NOS1AP: variants seen among roughly 807,000 people sequenced by gnomAD.
The protein encoded by NOS1AP is carboxyl-terminal PDZ ligand of neuronal nitric oxide synthase protein.
Under a neutral mutation model 56.2 loss-of-function variants are expected in NOS1AP, and 21 were observed. The observed-to-expected ratio is 0.37, with a 90% CI of 0.26 to 0.54. The LOEUF (loss-of-function observed/expected upper bound fraction) is 0.54. Among genes scored for constraint, NOS1AP ranks in the 20% least tolerant of loss-of-function variants. The pLI is 0.84. For missense variants in NOS1AP, 522 were observed against 657.8 expected (o/e 0.79, Z 2.26); for synonymous variants, 270 against 274.6 (o/e 0.98, Z 0.17).
intron 2 of NOS1AP, among the ~76,000 whole-genome samples, chr1:162,243,994 C>T (rs1277334964): frequency 6.6e-6 from 1 of 152,160 alleles, no homozygotes; most frequent in Non-Finnish European, 1.5e-5. Context: ...ATCAGAGCTC[C>T]GTCTGGATTT....
chr1:162,328,590 A>G (rs1051006001), intron 4 of NOS1AP, among the ~76,000 whole-genome samples: 1 of 152,210 alleles, frequency 6.6e-6, no homozygotes, highest in Non-Finnish European at 1.5e-5. Context: ...AGTGAGGTAC[A>G]GCACAATGAT....
intron 2 of NOS1AP, among the ~76,000 whole-genome samples, chr1:162,204,336 C>T (rs1652093390): frequency 6.6e-6 from 1 of 152,216 alleles, no homozygotes; most frequent in South Asian, 2.1e-4. Context: ...GGTCATCTTA[C>T]AGGTTTCCGC....
intron 1 of NOS1AP, among the ~76,000 whole-genome samples, chr1:162,151,151 TAGG>T (rs1427660367): frequency 2.0e-5 from 3 of 152,240 alleles, no homozygotes; most frequent in Non-Finnish European, 2.9e-5. Context: ...TGGTGAGAGA[TAGG>T]AGTCCAGTTT....
At chr1:162,117,033 G>A (rs1180740124) in intron 1 of NOS1AP, among the ~76,000 whole-genome samples, 1 of 152,120 alleles carries the variant, frequency 6.6e-6, no homozygotes, top group East Asian at 1.9e-4. Flanking sequence ...AATTTCTTGA[G>A]CTCTCATGAA....
In NOS1AP at chr1:162,240,244, A is replaced by AGTGTGTGTGTGTGTGTGTGTGT. The variant is rs5778260; in HGVS notation, c.178-47081_178-47060dup. On this transcript the variant is annotated intron_variant, in intron 2 of 9. Transcript: ENST00000361897. ...CCCATTCCTGCTGCACTGTGTGGCC[A>AGTGTGTGTGTGTGTGTGTGTGT]GTGTGTGTGTGTGTGTGTGTGTGTG... Among the ~76,000 whole-genome samples the AGTGTGTGTGTGTGTGTGTGTGT allele has an allele frequency of 5.4e-4, 76 of 141,298 alleles. 1 individual carries two copies. The highest frequency in any genetic ancestry group is 2.0e-3 in the African/African-American group (73 of 37,240). The allele number at this position is 141,298 out of a possible 152,430, so 92.7% of individuals were successfully genotyped here.
At chr1:162,318,015 A>C (rs1324287610) in intron 4 of NOS1AP, among the ~76,000 whole-genome samples, 2 of 152,174 alleles carry the variant, frequency 1.3e-5, no homozygotes, top group Non-Finnish European at 2.9e-5. Context: ...GATACAAGCC[A>C]GGGGTAGGAC....
chr1:162,204,189 G>C (rs1272561899), intron 2 of NOS1AP, among the ~76,000 whole-genome samples: 3 of 152,200 alleles, frequency 2.0e-5, no homozygotes, highest in Non-Finnish European at 4.4e-5. Flanking sequence ...GACCTGGCCT[G>C]GTTGACTTCA....
intron 5 of NOS1AP, 42 bp downstream of exon 5, chr1:162,333,167 G>T: frequency 7.2e-7 from 1 of 1,386,306 alleles, no homozygotes. Context: ...TTCCTCTAAT[G>T]GTTCCAAAGC....
chr1:162,099,977 G>A (rs1229013763), intron 1 of NOS1AP, among the ~76,000 whole-genome samples: 1 of 151,202 alleles, frequency 6.6e-6, no homozygotes, highest in African/African-American at 2.4e-5. Context: ...ATTTTTTATG[G>A]CTGCATAGTA....
chr1:162,083,244 G>C (rs1691930522), intron 1 of NOS1AP, among the ~76,000 whole-genome samples: 1 of 152,046 alleles, frequency 6.6e-6, no homozygotes, highest in South Asian at 2.1e-4. Flanking sequence ...TTTTCTTTTG[G>C]TTTCTTTGGG....
intron 5 of NOS1AP, among the ~76,000 whole-genome samples, chr1:162,342,071 G>T (rs1049086252): frequency 9.9e-5 from 15 of 152,218 alleles, no homozygotes; most frequent in Non-Finnish European, 1.6e-4. Flanking sequence ...GCCTAAGCCT[G>T]CCCTGTGGAC....
intron 8 of NOS1AP, chr1:162,361,038 T>G: frequency 2.5e-6 from 1 of 397,330 alleles, no homozygotes; most frequent in Non-Finnish European, 5.1e-6. Context: ...GGCTGAACTT[T>G]TGTGTGTCAT....
intron 2 of NOS1AP, among the ~76,000 whole-genome samples, chr1:162,204,624 C>T (rs566695845): frequency 6.6e-5 from 10 of 152,288 alleles, no homozygotes; most frequent in South Asian, 2.1e-4. Flanking sequence ...GTATGTCTGC[C>T]TTGTATATTT....
chr1:162,099,239 G>A (rs1372591637), intron 1 of NOS1AP, among the ~76,000 whole-genome samples: 4 of 149,666 alleles, frequency 2.7e-5, no homozygotes, highest in African/African-American at 4.9e-5. Flanking sequence ...CCAGGCTGCA[G>A]TGCAGTGGCA....
chr1:162,145,611 T>G (rs1487436986), intron 1 of NOS1AP, among the ~76,000 whole-genome samples: 2 of 152,192 alleles, frequency 1.3e-5, no homozygotes, highest in Non-Finnish European at 2.9e-5. Flanking sequence ...CGCTCAGCTG[T>G]GCACAAGAGC....
chr1:162,288,202 G>A (rs1655152336), intron 3 of NOS1AP, among the ~76,000 whole-genome samples: 1 of 152,184 alleles, frequency 6.6e-6, no homozygotes. Context: ...GGCTGATTGA[G>A]TATATATAAG....
intron 2 of NOS1AP, among the ~76,000 whole-genome samples, chr1:162,190,416 T>TG (rs952975903): frequency 1.3e-5 from 2 of 152,200 alleles, no homozygotes; most frequent in African/African-American, 4.8e-5. Flanking sequence ...GTGCACAATG[T>TG]GCAGGTTAGT....
chr1:162,280,640 A>G (rs1195496829), intron 2 of NOS1AP, among the ~76,000 whole-genome samples: 2 of 152,260 alleles, frequency 1.3e-5, no homozygotes, highest in African/African-American at 4.8e-5. Flanking sequence ...AAGTAGGATG[A>G]TACTTCATTT....
At position 162,188,791 on chromosome 1, in the gene NOS1AP, C is replaced by T. The variant is rs1443119083; in HGVS notation, c.177+34315C>T. Among the ~76,000 whole-genome samples the T allele has an allele frequency of 1.3e-5, 2 of 152,300 alleles. No individual in the cohort carries two copies. The highest frequency in any genetic ancestry group is 4.8e-5 in the African/African-American group (2 of 41,560). ...ATTTTAGGCTGAGCACGGTGGCTCA[C>T]GCCTGTAATCCCAGCACTTTCGGAG... On this transcript the variant is annotated intron_variant, in intron 2 of 9. Coordinates refer to ENST00000361897, the MANE Select transcript of NOS1AP (RefSeq NM_014697.3). This position sits in a 1 kb window ranked among gnomAD's most constrained non-coding sequence, Gnocchi z 4.0.
Sources: allele counts gnomAD v4.1 joint callset (sites outside exome capture counted in the v4.1 genomes callset), GRCh38; gene constraint gnomAD v4.1.1; non-coding constraint Gnocchi (gnomAD v3.1); transcripts MANE v1.5; gene names NCBI Gene and HGNC (gene_info 2026-07-23, HGNC 2026-07-21).